Variants in PPP4R1 observed in about 807,000 individuals in gnomAD.
The protein encoded by PPP4R1 is protein phosphatase 4 regulatory subunit 1, also known as serine/threonine-protein phosphatase 4 regulatory subunit 1.
In PPP4R1, 42 loss-of-function variants were observed where a neutral mutation model predicts 111.2. That is an observed-to-expected ratio of 0.38 (90% CI 0.29 to 0.49). The LOEUF is 0.49. Ranked by LOEUF, PPP4R1 falls within the 20% of genes least tolerant of loss-of-function variation. The pLI, the probability that PPP4R1 is intolerant of heterozygous loss-of-function variation, is 0.97. For synonymous variants in PPP4R1, 409 were observed against 405.5 expected (o/e 1.01, Z -0.10); for missense variants, 1,012 against 1,161.6 (o/e 0.87, Z 1.87).
At chr18:9,584,914 G>C (rs1234450474) in intron 6 of PPP4R1, 86 bp from the exon 7 acceptor site, 1 of 1,113,496 alleles carries the variant, frequency 9.0e-7, no homozygotes, top group Non-Finnish European at 1.3e-6. Flanking sequence ...TATAATTTGA[G>C]GAAACATAAA....
chr18:9,583,921 AAC>A (rs2067073912), intron 8 of PPP4R1, among the ~76,000 whole-genome samples: 1 of 152,176 alleles, frequency 6.6e-6, no homozygotes, highest in Non-Finnish European at 1.5e-5. Context: ...AACCCTACCC[AAC>A]ATGAAAGATC....
At chr18:9,609,080 T>C (rs2067533950) in intron 2 of PPP4R1, among the ~76,000 whole-genome samples, 1 of 152,174 alleles carries the variant, frequency 6.6e-6, no homozygotes, top group Non-Finnish European at 1.5e-5. Context: ...TTCAATTTTA[T>C]GTGGGAAGTT....
chr18:9,577,372 C>G (rs960586321), intron 9 of PPP4R1, among the ~76,000 whole-genome samples, 181 bp from the exon 10 acceptor site: 1 of 152,166 alleles, frequency 6.6e-6, no homozygotes, highest in African/African-American at 2.4e-5. Flanking sequence ...TTCTTACAAG[C>G]TATTTTCTCT....
chr18:9,550,371 A>G lies in PPP4R1; in HGVS notation c.2319T>C (p.Tyr773=). The G allele has an allele frequency of 1.9e-6, 3 of 1,603,320 alleles. No homozygotes were observed. Among genetic ancestry groups the G allele is most frequent in the Non-Finnish European group, 2.6e-6 (3 of 1,171,256 alleles). Residue 773 remains tyrosine, a synonymous_variant, in exon 17 of 20, where the codon TAT becomes TAC. Transcript: ENST00000400556. ...AEQLILLLEL[Y]SPRDVYDYLR... ...AATAGTCATAAACATCTCTGGGACT[A>G]TATAACTCTAGAAGTAAAATCAGCT... is the stretch of plus-strand genomic sequence containing the variant.
Position 9,549,180 on chromosome 18 carries a change from G to A in PPP4R1, c.2689+17C>T. 1 of 1,608,176 alleles carries A rather than the reference G, an allele frequency of 6.2e-7. No homozygotes were observed. The highest frequency in any genetic ancestry group is 1.1e-5 in the South Asian group (1 of 90,984). On this transcript the variant is annotated intron_variant, in intron 19 of 19. Transcript: ENST00000400556. ...CTTCTCTACTCACACGCTTCTTCTA[G>A]TGGAGTCACTACCTACCTTTTTCTA...
Position 9,549,771 on chromosome 18 carries a change from C to T in PPP4R1, c.2547+281G>A. 6 of 546,780 alleles carry T rather than the reference C, an allele frequency of 1.1e-5. No individual in the cohort carries two copies. In the South Asian group the frequency reaches 1.3e-4, roughly 12 times the overall value. 33.9% of individuals were successfully genotyped at this position (546,780 alleles called of 1,614,324 possible). A position where few individuals can be genotyped will look rare whatever the true frequency, so the allele number is the denominator to read the frequency against. Reference sequence around the variant, plus strand: ...TACACACGTCTGAATGTGTGCAGAGCAGAACACGCACATACCAGGCATGTG... The same window carrying T: ...TACACACGTCTGAATGTGTGCAGAGTAGAACACGCACATACCAGGCATGTG... On this transcript the variant is annotated intron_variant, in intron 18 of 19. Coordinates refer to ENST00000400556, the MANE Select transcript of PPP4R1 (RefSeq NM_001042388.3).
intron 15 of PPP4R1, among the ~76,000 whole-genome samples, chr18:9,555,936 A>G (rs1309305443): frequency 3.3e-5 from 5 of 151,628 alleles, no homozygotes; most frequent in African/African-American, 1.2e-4. Flanking sequence ...GGAGATCAAG[A>G]CCATCCTGGC....
intron 9 of PPP4R1, among the ~76,000 whole-genome samples, chr18:9,580,495 G>A (rs890374957): frequency 5.3e-5 from 8 of 151,914 alleles, no homozygotes; most frequent in South Asian, 4.2e-4. Flanking sequence ...GACTACAGGC[G>A]CCCGCCACCA....
At chr18:9,566,996 C>T (rs141211374) in intron 11 of PPP4R1, among the ~76,000 whole-genome samples, 3 of 152,298 alleles carry the variant, frequency 2.0e-5, no homozygotes, top group African/African-American at 7.2e-5. Context: ...GCCCAAGGAT[C>T]AAGGGGTAAT....
At chr18:9,554,867 C>T (rs1286730236) in intron 15 of PPP4R1, among the ~76,000 whole-genome samples, 1 of 152,218 alleles carries the variant, frequency 6.6e-6, no homozygotes, top group African/African-American at 2.4e-5. Flanking sequence ...AAATTTGATG[C>T]TCAAAACAAA....
chr18:9,582,248 T>C (rs2067041308), intron 9 of PPP4R1, among the ~76,000 whole-genome samples: 1 of 151,970 alleles, frequency 6.6e-6, no homozygotes, highest in African/African-American at 2.4e-5. Context: ...AACCAAAAGT[T>C]GGTTCTGTAA....
chr18:9,612,520 C>G (rs1427605753), intron 2 of PPP4R1: 3 of 152,322 alleles, frequency 2.0e-5, no homozygotes, highest in South Asian at 4.1e-4. Flanking sequence ...CTACACTGTG[C>G]TTCTTGGGGG....
chr18:9,555,997 C>CAA lies in PPP4R1; in HGVS notation c.2190+1222_2190+1223dup, dbSNP rs71358236. 7.2e-4 allele frequency among the ~76,000 whole-genome samples: 99 copies of CAA among 136,910 alleles called. 1 individual carries two copies. The highest frequency in any genetic ancestry group is 2.1e-3 in the African/African-American group (76 of 36,920). 89.8% of individuals were successfully genotyped at this position (136,910 alleles called of 152,430 possible). A position where few individuals can be genotyped will look rare whatever the true frequency, so the allele number is the denominator to read the frequency against. On this transcript the variant is annotated intron_variant, in intron 15 of 19. Transcript: ENST00000400556. ...TAAAACAAACAAACAAACAAACAAA[C>CAA]AAAAAAACACAAAATCGGCCGGGCT...
At chr18:9,602,949 A>G (rs550694014) in intron 2 of PPP4R1, among the ~76,000 whole-genome samples, 2 of 152,350 alleles carry the variant, frequency 1.3e-5, no homozygotes, top group East Asian at 3.9e-4. Context: ...ATATTCATCT[A>G]TAAAATAATG....
intron 14 of PPP4R1, among the ~76,000 whole-genome samples, chr18:9,558,522 A>G (rs1322158974): frequency 6.6e-6 from 1 of 152,166 alleles, no homozygotes; most frequent in African/African-American, 2.4e-5. Flanking sequence ...GGATAAATTC[A>G]CTTCCCCTGG....
At chr18:9,547,994 C>T (rs768151379) in intron 19 of PPP4R1, 42 bp from the exon 20 acceptor site, 36 of 1,594,686 alleles carry the variant, frequency 2.3e-5, no homozygotes, top group Middle Eastern at 1.7e-4. Context: ...ACCAGTCCAA[C>T]GGAACACTTC....
At chr18:9,565,120 G>A (rs1040017925) in intron 11 of PPP4R1, among the ~76,000 whole-genome samples, 1 of 152,162 alleles carries the variant, frequency 6.6e-6, no homozygotes, top group Non-Finnish European at 1.5e-5. Context: ...TGTATTGTAT[G>A]TTGGTAATTC....
chr18:9,562,764 C>T (rs538787551), intron 12 of PPP4R1, among the ~76,000 whole-genome samples: 1 of 152,204 alleles, frequency 6.6e-6, no homozygotes, highest in African/African-American at 2.4e-5. Context: ...TTCTGGCAAT[C>T]GGTGGTGCAT....
chr18:9,556,997 A>C, intron 15 of PPP4R1: 1 of 360,620 alleles, frequency 2.8e-6, no homozygotes, highest in Non-Finnish European at 4.9e-6. Context: ...ATTTTGAAAA[A>C]GAAAAAGATA....
Sources: gnomAD v4.1 joint callset for allele counts (sites outside exome capture counted in the v4.1 genomes callset) on GRCh38, gnomAD v4.1.1 for gene constraint, MANE v1.5 for transcripts, NCBI Gene and HGNC (gene_info 2026-07-23, HGNC 2026-07-21) for gene names.